Variants in PRKG1 observed in about 807,000 individuals in gnomAD.
PRKG1 encodes cGMP-dependent protein kinase 1.
A neutral mutation model predicts 88.1 loss-of-function variants in PRKG1; 35 were observed. The ratio of observed to expected loss-of-function variants is 0.40; its 90% CI spans 0.30 to 0.53. The LOEUF is 0.53. Ranked by LOEUF, PRKG1 falls within the 20% of genes least tolerant of loss-of-function variation. The pLI, the probability that PRKG1 is intolerant of heterozygous loss-of-function variation, is 0.59. For synonymous variants in PRKG1, 303 were observed against 292.5 expected, an observed-to-expected ratio of 1.04 and a Z score of -0.37; for missense variants, 540 against 839.8, an observed-to-expected ratio of 0.64 and a Z score of 4.41.
At chr10:51,667,036 A>C (rs906555438) in intron 3 of PRKG1, among the ~76,000 whole-genome samples, 4 of 152,098 alleles carry the variant, frequency 2.6e-5, no homozygotes, top group Non-Finnish European at 5.9e-5. Flanking sequence ...TCCTGGGCTC[A>C]AGTGATCCAC....
At chr10:52,047,956 T>A (rs1013094043) in intron 5 of PRKG1, among the ~76,000 whole-genome samples, 10 of 152,130 alleles carry the variant, frequency 6.6e-5, no homozygotes, top group Non-Finnish European at 1.3e-4. Flanking sequence ...TTATTCTGTT[T>A]CAAACATTTA....
At chr10:51,189,392 A>T (rs1837576304) in intron 2 of PRKG1, among the ~76,000 whole-genome samples, 1 of 151,930 alleles carries the variant, frequency 6.6e-6, no homozygotes, top group Non-Finnish European at 1.5e-5. Flanking sequence ...TTAAAGAAAC[A>T]GTAAGGTTTG....
chr10:52,265,665 G>A (rs1487230350), intron 10 of PRKG1, among the ~76,000 whole-genome samples: 2 of 152,060 alleles, frequency 1.3e-5, no homozygotes, highest in East Asian at 3.9e-4. Context: ...AGCATGTACT[G>A]TATTTAAATA....
intron 2 of PRKG1, among the ~76,000 whole-genome samples, chr10:51,437,381 A>G (rs1419223472): frequency 1.3e-5 from 2 of 151,992 alleles, no homozygotes; most frequent in African/African-American, 4.8e-5. Flanking sequence ...CTTTAAGTTG[A>G]CCAATGCTAT....
chr10:51,662,116 T>C (rs1157959274), intron 3 of PRKG1, among the ~76,000 whole-genome samples: 1 of 152,094 alleles, frequency 6.6e-6, no homozygotes, highest in African/African-American at 2.4e-5. Context: ...TTAGGAGAGA[T>C]ACCTAATGTA....
intron 3 of PRKG1, among the ~76,000 whole-genome samples, chr10:51,739,240 A>G (rs1044925475): frequency 2.6e-5 from 4 of 152,034 alleles, no homozygotes; most frequent in African/African-American, 9.7e-5. Flanking sequence ...AATATCATAT[A>G]TTCATTTGGT....
At chr10:52,110,317 G>A (rs1847531992) in intron 7 of PRKG1, among the ~76,000 whole-genome samples, 2 of 152,262 alleles carry the variant, frequency 1.3e-5, no homozygotes, top group South Asian at 4.1e-4. Context: ...GCGTGAAAGT[G>A]CGAGACTCCA....
At chr10:51,853,206 T>G (rs992470937) in intron 4 of PRKG1, among the ~76,000 whole-genome samples, 1 of 152,168 alleles carries the variant, frequency 6.6e-6, no homozygotes, top group Non-Finnish European at 1.5e-5. Context: ...ACTGACGTGA[T>G]GTTTTAGTAT....
chr10:51,174,649 G>T (rs1160496328), intron 2 of PRKG1, among the ~76,000 whole-genome samples: 1 of 151,972 alleles, frequency 6.6e-6, no homozygotes, highest in South Asian at 2.1e-4. Flanking sequence ...ATGTTTTTGA[G>T]TCCGTTGTGG....
chr10:51,746,096 G>A (rs1010932771), intron 3 of PRKG1, among the ~76,000 whole-genome samples: 2 of 152,010 alleles, frequency 1.3e-5, no homozygotes, highest in Non-Finnish European at 2.9e-5. Flanking sequence ...GTGATCTCCC[G>A]CCTTAGCCTC....
At chr10:52,219,139 A>G (rs1840183971) in intron 9 of PRKG1, among the ~76,000 whole-genome samples, 1 of 152,130 alleles carries the variant, frequency 6.6e-6, no homozygotes, top group African/African-American at 2.4e-5. Context: ...ACTAGATGTA[A>G]GTGGGTCATA....
intron 3 of PRKG1, among the ~76,000 whole-genome samples, chr10:51,593,014 GAC>G (rs1400162159): frequency 6.6e-5 from 10 of 152,146 alleles, no homozygotes; most frequent in African/African-American, 2.2e-4. Context: ...CAATTTAAAA[GAC>G]AGGTTTTGAT....
intron 4 of PRKG1, among the ~76,000 whole-genome samples, chr10:51,899,668 A>AATGTATATATATATAT (rs1554853508): frequency 1.8e-5 from 1 of 54,274 alleles, no homozygotes; most frequent in African/African-American, 8.5e-5. Context: ...AAAAAAGAAA[A>AATGTATATATATATAT]ATGTATATAT....
intron 1 of PRKG1, among the ~76,000 whole-genome samples, chr10:51,109,810 A>G (rs1382704671): frequency 6.6e-6 from 1 of 152,168 alleles, no homozygotes; most frequent in Non-Finnish European, 1.5e-5. Context: ...AAGGAATGTA[A>G]CAGACTGGGA....
chr10:51,331,710 G>A (rs1257346613), intron 2 of PRKG1, among the ~76,000 whole-genome samples: 2 of 152,142 alleles, frequency 1.3e-5, no homozygotes, highest in African/African-American at 2.4e-5. Context: ...TTCATGCATG[G>A]ATATATGTGC....
At chr10:51,836,975 G>A (rs746967549) in intron 4 of PRKG1, among the ~76,000 whole-genome samples, 11 of 152,254 alleles carry the variant, frequency 7.2e-5, no homozygotes, top group Non-Finnish European at 1.3e-4. Flanking sequence ...TATTTGATTC[G>A]TGGTCCCTGC....
At chr10:51,251,377 A>G (rs982597282) in intron 2 of PRKG1, among the ~76,000 whole-genome samples, 2 of 151,790 alleles carry the variant, frequency 1.3e-5, no homozygotes, top group African/African-American at 4.8e-5. Flanking sequence ...GTGAGCATGG[A>G]TTGACCTACA....
chr10:52,067,371 A>AT (rs1846379695), intron 7 of PRKG1, among the ~76,000 whole-genome samples: 1 of 152,144 alleles, frequency 6.6e-6, no homozygotes, highest in South Asian at 2.1e-4. Flanking sequence ...CTGGTTGGAG[A>AT]TTGAGTGAAA....
At chr10:51,870,716 T>C (rs913534285) in intron 4 of PRKG1, among the ~76,000 whole-genome samples, 4 of 152,134 alleles carry the variant, frequency 2.6e-5, no homozygotes, top group African/African-American at 9.7e-5. Context: ...TGCCTACAAA[T>C]AAAATACTAC....
Sources: gnomAD v4.1 joint callset for allele counts (sites outside exome capture counted in the v4.1 genomes callset) on GRCh38, gnomAD v4.1.1 for gene constraint, MANE v1.5 for transcripts, NCBI Gene and HGNC (gene_info 2026-07-23, HGNC 2026-07-21) for gene names.